Variants in SNX30 observed in about 807,000 individuals in gnomAD.
SNX30 encodes the protein sorting nexin-30.
A neutral mutation model predicts 46.4 loss-of-function variants in SNX30; 24 were observed. The ratio of observed to expected loss-of-function variants is 0.52; its 90% CI spans 0.37 to 0.73. The LOEUF is 0.73. SNX30 is among the 30% of genes least tolerant of loss of function. The probability of loss-of-function intolerance (pLI) is 0.00; values close to 1 mark genes in which losing one functional copy is unlikely to be tolerated. For synonymous variants in SNX30, 189 were observed against 211.5 expected (o/e 0.89, Z 0.92); for missense variants, 533 against 555.7 (o/e 0.96, Z 0.41).
intron 4 of SNX30, among the ~76,000 whole-genome samples, chr9:112,832,411 G>C (rs1840673092): frequency 6.9e-6 from 1 of 144,944 alleles, no homozygotes; most frequent in Admixed American, 7.1e-5. Context: ...TTAGGAATCT[G>C]TATGAAGAAT....
At chr9:112,792,882 C>CTTTTTTTTTT (rs11447466) in intron 1 of SNX30, among the ~76,000 whole-genome samples, 2 of 146,832 alleles carry the variant, frequency 1.4e-5, no homozygotes, top group African/African-American at 2.5e-5. Context: ...TTTCTTTAGG[C>CTTTTTTTTTT]TTTTTTTTTT....
intron 3 of SNX30, among the ~76,000 whole-genome samples, chr9:112,823,083 A>C (rs1017055048): frequency 6.6e-6 from 1 of 152,234 alleles, no homozygotes; most frequent in African/African-American, 2.4e-5. Flanking sequence ...AAACATATAC[A>C]TATATAGGTA....
At position 112,868,922 on chromosome 9, in the gene SNX30, G is replaced by A; in HGVS notation, c.*79G>A. 1 of 1,384,124 alleles carries A rather than the reference G, an allele frequency of 7.2e-7. No individual in the cohort carries two copies. The allele number at this position is 1,384,124 out of a possible 1,614,324, so 85.7% of individuals were successfully genotyped here. ...ACCGGAATGTCCCTGCAGTGCCAGA[G>A]ACGCAGTGCTGGGAAAACAACCACA... On this transcript the variant is annotated 3_prime_UTR_variant, in exon 9 of 9. Coordinates refer to ENST00000374232, the MANE Select transcript of SNX30 (RefSeq NM_001012994.2).
At chr9:112,813,556 C>T (rs1321830801) in intron 2 of SNX30, among the ~76,000 whole-genome samples, 1 of 149,770 alleles carries the variant, frequency 6.7e-6, no homozygotes, top group African/African-American at 2.5e-5. Flanking sequence ...GTAACCTCTG[C>T]CTCCCAGGTT....
chr9:112,760,766 A>G (rs1839421736), intron 1 of SNX30, among the ~76,000 whole-genome samples: 1 of 152,234 alleles, frequency 6.6e-6, no homozygotes, highest in South Asian at 2.1e-4. Flanking sequence ...TGACCTTAAA[A>G]TATGACTTGA....
intron 4 of SNX30, 135 bp from the exon 5 acceptor site, chr9:112,836,079 T>G: frequency 2.4e-6 from 2 of 820,132 alleles, no homozygotes. Flanking sequence ...GTGAATGTGA[T>G]TAGAGCCTCT....
At position 112,846,524 on chromosome 9, in the gene SNX30, C is replaced by T. The variant is rs555118385; in HGVS notation, c.1015-4335C>T. 2.6e-5 allele frequency among the ~76,000 whole-genome samples: 4 copies of T among 152,348 alleles called. No individual in the cohort carries two copies. In the East Asian group the frequency reaches 7.7e-4, roughly 29 times the overall value. On this transcript the variant is annotated intron_variant, in intron 6 of 8. Coordinates refer to ENST00000374232, the MANE Select transcript of SNX30 (RefSeq NM_001012994.2). ...GTGATATCACCAGTACCAGATCAGA[C>T]TCATTTTCCTGCCTGCAGGAAAGTG...
At chr9:112,773,838 A>G (rs548296196) in intron 1 of SNX30, among the ~76,000 whole-genome samples, 2 of 152,212 alleles carry the variant, frequency 1.3e-5, no homozygotes, top group African/African-American at 2.4e-5. Flanking sequence ...ATTATGTTAT[A>G]TTTATATTAC....
intron 1 of SNX30, among the ~76,000 whole-genome samples, chr9:112,764,962 A>T (rs1839511416): frequency 6.6e-6 from 1 of 152,096 alleles, no homozygotes; most frequent in African/African-American, 2.4e-5. Context: ...CCAGAAAGGG[A>T]GTGAGTCTAT....
intron 1 of SNX30, among the ~76,000 whole-genome samples, chr9:112,785,976 T>C (rs536366936): frequency 5.5e-4 from 84 of 152,326 alleles, no homozygotes; most frequent in African/African-American, 1.9e-3. Flanking sequence ...CTGTATCATA[T>C]GTGAAGTGGA....
intron 2 of SNX30, among the ~76,000 whole-genome samples, chr9:112,814,502 A>G (rs1354323290): frequency 2.0e-5 from 3 of 152,282 alleles, no homozygotes; most frequent in African/African-American, 4.8e-5. Flanking sequence ...CGGCCTCCCA[A>G]AGTGCTAAGA....
intron 1 of SNX30, among the ~76,000 whole-genome samples, chr9:112,762,065 C>T (rs1324387512): frequency 6.6e-6 from 1 of 152,138 alleles, no homozygotes; most frequent in Non-Finnish European, 1.5e-5. Flanking sequence ...AGTACATAAA[C>T]AACAGCCTGG....
In SNX30 at chr9:112,865,624, C is replaced by CAT. The variant is rs796986603; in HGVS notation, c.1254+1262_1254+1263dup. Among the ~76,000 whole-genome samples the CAT allele has an allele frequency of 6.0e-3, 477 of 78,928 alleles. 5 individuals carry two copies. Among genetic ancestry groups the CAT allele is most frequent in the Non-Finnish European group, 7.5e-3 (317 of 42,464 alleles). The allele number at this position is 78,928 out of a possible 152,430, so 51.8% of individuals were successfully genotyped here. A position where few individuals can be genotyped will look rare whatever the true frequency, so the allele number is the denominator to read the frequency against. On this transcript the variant is annotated intron_variant, in intron 8 of 8. Transcript: ENST00000374232. ...ACAGAGTTTTTTGATCCTGTCACGC[C>CAT]ATATATATATATATATATATATATA...
chr9:112,885,440 G>GTGTATA (rs139663944), downstream of SNX30: 3 of 147,498 alleles, frequency 2.0e-5, no homozygotes, highest in Non-Finnish European at 3.0e-5. Flanking sequence ...ATATATATGT[G>GTGTATA]TATATATATA....
At chr9:112,811,168 A>T (rs1056911710) in intron 2 of SNX30, among the ~76,000 whole-genome samples, 21 of 152,226 alleles carry the variant, frequency 1.4e-4, no homozygotes, top group African/African-American at 4.6e-4. Flanking sequence ...GAGCGTGAGG[A>T]TGAAAGGCTG....
chr9:112,754,299 A>G (rs979023116), intron 1 of SNX30, among the ~76,000 whole-genome samples: 37 of 152,206 alleles, frequency 2.4e-4, no homozygotes, highest in African/African-American at 8.9e-4. Context: ...AAATTGTTCA[A>G]ATCATGGTGT....
rs1297866086 is a variant in SNX30 at position 112,871,851 on chromosome 9, T to C, written c.*3008T>C. On this transcript the variant is annotated 3_prime_UTR_variant, in exon 9 of 9. Transcript: ENST00000374232. ...AGATCTACACGAACATTCTAGGCTG[T>C]TCTGCTCAGAGCGAGGAACCACTGC... 6.6e-6 allele frequency: 1 copy of C among 152,196 alleles called. No individual in the cohort carries two copies. The highest frequency in any genetic ancestry group is 6.5e-5 in the Admixed American group (1 of 15,278). The allele number at this position is 152,196 out of a possible 1,614,324, so 9.4% of individuals were successfully genotyped here.
intron 4 of SNX30, 43 bp downstream of exon 4, chr9:112,830,926 C>T (rs765712206): frequency 3.0e-5 from 47 of 1,543,250 alleles, no homozygotes; most frequent in Non-Finnish European, 3.9e-5. Context: ...TATTACCATT[C>T]TTGGGGCTCT....
At chr9:112,754,406 C>CTTTTTTTTTT (rs755479504) in intron 1 of SNX30, among the ~76,000 whole-genome samples, 2 of 113,040 alleles carry the variant, frequency 1.8e-5, no homozygotes, top group African/African-American at 7.5e-5. Context: ...CTCACTGGGC[C>CTTTTTTTTTT]TTTTTTTTTT....
Sources: allele counts gnomAD v4.1 joint callset (sites outside exome capture counted in the v4.1 genomes callset), GRCh38; gene constraint gnomAD v4.1.1; transcripts MANE v1.5; gene names NCBI Gene and HGNC (gene_info 2026-07-23, HGNC 2026-07-21).